COMMD10: variants seen among roughly 807,000 people sequenced by gnomAD.
COMMD10 encodes the protein COMM domain-containing protein 10.
COMMD10 carries 33 observed loss-of-function variants against 28.9 expected under a neutral mutation model. That is an observed-to-expected ratio of 1.14 (90% CI 0.87 to 1.53). The LOEUF (loss-of-function observed/expected upper bound fraction) is 1.53. COMMD10 is among the 40% of genes most tolerant of loss of function. The pLI is 0.00. For synonymous variants in COMMD10, 110 were observed against 81.7 expected (o/e 1.35, Z -1.87); for missense variants, 310 against 233.4 (o/e 1.33, Z -2.14).
chr5:116,207,461 T>C lies in COMMD10; in HGVS notation c.510+73283T>C, dbSNP rs371970384. On this transcript the variant is annotated intron_variant, in intron 5 of 6. Transcript: ENST00000274458. ...AAGATAATATCGATGTTCTCTTTTA[T>C]TCATCAGTTTCTCTCAACTGGTTTC... is the stretch of plus-strand genomic sequence containing the variant. Among the ~76,000 whole-genome samples the C allele has an allele frequency of 1.2e-3, 176 of 152,308 alleles. 4 individuals are homozygous for C. In the South Asian group the frequency reaches 0.033, roughly 29 times the overall value.
chr5:116,150,320 G>T (rs560333824), intron 5 of COMMD10, among the ~76,000 whole-genome samples: 1 of 152,220 alleles, frequency 6.6e-6, no homozygotes, highest in Non-Finnish European at 1.5e-5. Context: ...TTTTTGCTTA[G>T]GATTGACTTG....
chr5:116,111,140 C>A (rs187513251), intron 4 of COMMD10, among the ~76,000 whole-genome samples: 1 of 152,072 alleles, frequency 6.6e-6, no homozygotes, highest in East Asian at 1.9e-4. Context: ...ATTTTGATTT[C>A]TTATTATATT....
chr5:116,214,990 C>G (rs1056489716), intron 5 of COMMD10, among the ~76,000 whole-genome samples: 1 of 151,990 alleles, frequency 6.6e-6, no homozygotes, highest in Non-Finnish European at 1.5e-5. Context: ...TCTTTTCTCC[C>G]CAGCCTTCTA....
chr5:116,271,085 A>C (rs1750740540), intron 5 of COMMD10, among the ~76,000 whole-genome samples: 1 of 151,358 alleles, frequency 6.6e-6, no homozygotes, highest in African/African-American at 2.4e-5. Context: ...TTCCCCTTAA[A>C]GGCTTGGGAG....
At chr5:116,111,481 T>G (rs1751044160) in intron 4 of COMMD10, among the ~76,000 whole-genome samples, 1 of 152,178 alleles carries the variant, frequency 6.6e-6, no homozygotes, top group African/African-American at 2.4e-5. Context: ...CAGTTTCATT[T>G]GTTTCATAAA....
intron 5 of COMMD10, among the ~76,000 whole-genome samples, chr5:116,244,867 A>G (rs1749901848): frequency 6.6e-6 from 1 of 151,976 alleles, no homozygotes; most frequent in Non-Finnish European, 1.5e-5. Context: ...GAATGCCCAT[A>G]TCACAAGTTA....
intron 4 of COMMD10, among the ~76,000 whole-genome samples, chr5:116,126,963 G>T (rs1580468331): frequency 6.6e-6 from 1 of 152,184 alleles, no homozygotes; most frequent in Non-Finnish European, 1.5e-5. Context: ...CACAGCAAAA[G>T]AAACTACCAT....
chr5:116,279,139 G>A (rs1049270507), intron 5 of COMMD10, among the ~76,000 whole-genome samples: 5 of 151,630 alleles, frequency 3.3e-5, no homozygotes, highest in Non-Finnish European at 7.4e-5. Flanking sequence ...CATGAAAAAA[G>A]ACCCAGAGAG....
chr5:116,273,808 A>G (rs1415231888), intron 5 of COMMD10, among the ~76,000 whole-genome samples: 3 of 151,770 alleles, frequency 2.0e-5, no homozygotes, highest in Admixed American at 6.6e-5. Context: ...ATATGAATAA[A>G]TGATTCATTA....
chr5:116,189,941 C>A (rs957552060), intron 5 of COMMD10, among the ~76,000 whole-genome samples: 30 of 152,186 alleles, frequency 2.0e-4, no homozygotes, highest in African/African-American at 7.0e-4. Context: ...AACCTCCCTT[C>A]ATTTTTCTTT....
chr5:116,117,147 A>G (rs766979140), intron 4 of COMMD10, among the ~76,000 whole-genome samples: 3 of 152,218 alleles, frequency 2.0e-5, no homozygotes, highest in East Asian at 1.9e-4. Context: ...ATATGAAAAT[A>G]TCACAATTTG....
chr5:116,227,909 A>C (rs1004544919), intron 5 of COMMD10, among the ~76,000 whole-genome samples: 2 of 152,070 alleles, frequency 1.3e-5, no homozygotes, highest in African/African-American at 4.8e-5. Context: ...CACTGCAGCT[A>C]ATTTTTTCAC....
intron 5 of COMMD10, among the ~76,000 whole-genome samples, chr5:116,284,874 T>C (rs753933006): frequency 6.6e-6 from 1 of 151,952 alleles, no homozygotes; most frequent in African/African-American, 2.4e-5. Context: ...ATACTAGTAA[T>C]TGAACTTTCA....
At chr5:116,184,955 T>G (rs1453067167) in intron 5 of COMMD10, among the ~76,000 whole-genome samples, 1 of 152,114 alleles carries the variant, frequency 6.6e-6, no homozygotes, top group Non-Finnish European at 1.5e-5. Flanking sequence ...GGGCCTTAAC[T>G]TCCTATTTTG....
At chr5:116,173,766 C>G (rs141566051) in intron 5 of COMMD10, among the ~76,000 whole-genome samples, 2 of 151,886 alleles carry the variant, frequency 1.3e-5, no homozygotes, top group African/African-American at 4.8e-5. Flanking sequence ...CTGCAGAAGC[C>G]AAAGCATTGG....
At chr5:116,126,529 A>G (rs539259608) in intron 4 of COMMD10, among the ~76,000 whole-genome samples, 3 of 152,138 alleles carry the variant, frequency 2.0e-5, no homozygotes, top group Non-Finnish European at 2.9e-5. Context: ...AAACTATACT[A>G]CAAGGCTACA....
intron 5 of COMMD10, among the ~76,000 whole-genome samples, chr5:116,181,556 CCACAT>C (rs1324370159): frequency 6.6e-6 from 1 of 151,110 alleles, no homozygotes; most frequent in Non-Finnish European, 1.5e-5. Context: ...TCATAAAAAT[CCACAT>C]AAAGAAGGAA....
chr5:116,178,586 CT>C (rs1747837475), intron 5 of COMMD10, among the ~76,000 whole-genome samples: 1 of 151,978 alleles, frequency 6.6e-6, no homozygotes, highest in Non-Finnish European at 1.5e-5. Flanking sequence ...ATGATGCCCC[CT>C]ATTTGAGTTC....
intron 5 of COMMD10, among the ~76,000 whole-genome samples, chr5:116,180,917 C>G (rs1412257469): frequency 6.6e-6 from 1 of 152,102 alleles, no homozygotes; most frequent in Non-Finnish European, 1.5e-5. Flanking sequence ...CTTTGGGAGG[C>G]TGAGGCGGGC....
Sources: gnomAD v4.1 joint callset for allele counts (sites outside exome capture counted in the v4.1 genomes callset) on GRCh38, gnomAD v4.1.1 for gene constraint, MANE v1.5 for transcripts, NCBI Gene and HGNC (gene_info 2026-07-23, HGNC 2026-07-21) for gene names.